PXDNL: variants seen among roughly 807,000 people sequenced by gnomAD.
The protein encoded by PXDNL is probable oxidoreductase PXDNL.
A neutral mutation model predicts 150.8 loss-of-function variants in PXDNL; 145 were observed. That is an observed-to-expected ratio of 0.96 (90% CI 0.84 to 1.10). The LOEUF (loss-of-function observed/expected upper bound fraction) is 1.10. PXDNL is among the 50% of genes least tolerant of loss of function. The pLI is 0.00. For missense variants in PXDNL, 2,087 were observed against 1,873.9 expected (o/e 1.11, Z -2.10); for synonymous variants, 757 against 725.7 (o/e 1.04, Z -0.69).
chr8:51,486,794 A>ATATTTTTTTTT (rs1810773699), intron 5 of PXDNL, among the ~76,000 whole-genome samples: 1 of 24,712 alleles, frequency 4.0e-5, no homozygotes, highest in African/African-American at 1.8e-4. Flanking sequence ...ATATATATAT[A>ATATTTTTTTTT]TTTTTTTTTT....
At chr8:51,422,620 G>A (rs573444419) in intron 14 of PXDNL, among the ~76,000 whole-genome samples, 18 of 152,246 alleles carry the variant, frequency 1.2e-4, no homozygotes, top group South Asian at 2.1e-4. Flanking sequence ...AAGAATCTGC[G>A]AAACCATATT....
intron 1 of PXDNL, among the ~76,000 whole-genome samples, chr8:51,747,990 C>T (rs540149278): frequency 6.6e-6 from 1 of 152,228 alleles, no homozygotes; most frequent in Non-Finnish European, 1.5e-5. Context: ...GTATACATAG[C>T]AGCAATAACA....
intron 2 of PXDNL, among the ~76,000 whole-genome samples, chr8:51,598,851 T>C (rs1183352247): frequency 3.9e-5 from 6 of 152,176 alleles, no homozygotes; most frequent in African/African-American, 1.4e-4. Flanking sequence ...CATTCGGCTG[T>C]GAATCCATTT....
chr8:51,657,733 G>A (rs1477673213), intron 1 of PXDNL, among the ~76,000 whole-genome samples: 4 of 152,142 alleles, frequency 2.6e-5, no homozygotes, highest in Non-Finnish European at 5.9e-5. Context: ...CAATATAATG[G>A]TAATTTAACT....
At chr8:51,599,719 T>A (rs956125471) in intron 2 of PXDNL, among the ~76,000 whole-genome samples, 12 of 146,568 alleles carry the variant, frequency 8.2e-5, no homozygotes, top group African/African-American at 2.5e-5. Flanking sequence ...ATGATGTCAT[T>A]TATATAATAA....
intron 2 of PXDNL, among the ~76,000 whole-genome samples, chr8:51,601,796 G>GTTT (rs1813727515): frequency 7.0e-6 from 1 of 143,546 alleles, no homozygotes; most frequent in Non-Finnish European, 1.5e-5. Flanking sequence ...TTCTATTGTG[G>GTTT]GTTTTTTTTT....
chr8:51,438,247 A>C (rs1029064923), intron 12 of PXDNL, among the ~76,000 whole-genome samples: 29 of 152,302 alleles, frequency 1.9e-4, no homozygotes, highest in African/African-American at 7.0e-4. Flanking sequence ...TGACAAAAGC[A>C]GTCTAAAAAT....
rs569183875 is a variant in PXDNL at position 51,391,322 on chromosome 8, C to A, written c.3558-16591G>T. Among the ~76,000 whole-genome samples, 594 of 152,256 alleles carry A rather than the reference C, an allele frequency of 3.9e-3. 7 individuals are homozygous for A. The highest frequency in any genetic ancestry group is 0.01 in the Middle Eastern group (3 of 294). On this transcript the variant is annotated intron_variant, in intron 17 of 22. Coordinates refer to ENST00000356297, the MANE Select transcript of PXDNL (RefSeq NM_144651.5). ...GATCCCTGAGGAATTGCCACACTGA[C>A]TTCCACAATGGTTGAACTAGTTTAC...
chr8:51,510,490 C>T (rs1811388982), intron 4 of PXDNL, among the ~76,000 whole-genome samples: 2 of 152,194 alleles, frequency 1.3e-5, no homozygotes, highest in African/African-American at 2.4e-5. Flanking sequence ...GAAATAGACA[C>T]TGAGGTTGGC....
rs936951821 is a variant in PXDNL, at chr8:51,654,738, T to C, written c.187A>G (p.Arg63Gly). 6.2e-7 allele frequency: 1 copy of C among 1,613,306 alleles called. No homozygotes were observed. The highest frequency in any genetic ancestry group is 8.5e-7 in the Non-Finnish European group (1 of 1,179,590). ...TVLDLRFNRI[R>G]EIPGSAFKKL... Reference sequence around the variant, plus strand: ...TTGAAGGCGCTCCCTGGAATTTCTCTTATTCTGTTAAACCTCAAGTCTCTG... The same window carrying C: ...TTGAAGGCGCTCCCTGGAATTTCTCCTATTCTGTTAAACCTCAAGTCTCTG... The change falls in exon 2 of 23, where the codon AGA (arginine) becomes GGA (glycine). Residue 63 changes from arginine (R) to glycine (G), a missense_variant. Transcript: ENST00000356297.
At chr8:51,732,779 A>G (rs904312939) in intron 1 of PXDNL, among the ~76,000 whole-genome samples, 2 of 151,528 alleles carry the variant, frequency 1.3e-5, no homozygotes, top group African/African-American at 4.9e-5. Context: ...ACTCCCCTTT[A>G]TAAAATCATC....
chr8:51,744,043 AAGGAAG>A (rs1205788830), intron 1 of PXDNL, among the ~76,000 whole-genome samples: 7 of 34,110 alleles, frequency 2.1e-4, no homozygotes, highest in African/African-American at 6.6e-4. Context: ...GGAAGGAAGG[AAGGAAG>A]GAAGGAAGGA....
At chr8:51,428,422 A>G (rs80350160) in intron 12 of PXDNL, among the ~76,000 whole-genome samples, 1,933 of 152,362 alleles carry the variant, frequency 0.013, 36 homozygotes, top group African/African-American at 0.044. Context: ...TTGACAAAAA[A>G]GAATAAAGTG....
Position 51,408,315 on chromosome 8 carries a change from C to A in PXDNL, c.3309G>T (p.Gly1103=), listed in dbSNP as rs773760051. The A allele has an allele frequency of 6.2e-7, 1 of 1,613,974 alleles. No homozygotes were observed. Among genetic ancestry groups the A allele is most frequent in the Non-Finnish European group, 8.5e-7 (1 of 1,179,878 alleles). ...GCCATTTAGCAGCCACGCCAAACAG[C>A]CCCCGGAGAACCGGGTCTATCCCAC... ...KEGGIDPVLR[G]LFGVAAKWRA... The change falls in exon 17 of 23, where the codon GGG becomes GGT. Residue 1103 remains glycine (G), a synonymous_variant. Transcript: ENST00000356297.
intron 1 of PXDNL, among the ~76,000 whole-genome samples, chr8:51,700,402 TAC>T (rs144729608): frequency 0.059 from 8,857 of 150,234 alleles, 370 homozygotes; most frequent in Non-Finnish European, 0.088. Context: ...GAGATATAAA[TAC>T]ACACACACAA....
chr8:51,531,908 C>T (rs1196675316), intron 4 of PXDNL, among the ~76,000 whole-genome samples: 1 of 152,218 alleles, frequency 6.6e-6, no homozygotes, highest in Non-Finnish European at 1.5e-5. Context: ...AGTGCTCCCC[C>T]CACCGTCATC....
At chr8:51,692,266 T>C (rs1354288533) in intron 1 of PXDNL, among the ~76,000 whole-genome samples, 2 of 152,220 alleles carry the variant, frequency 1.3e-5, no homozygotes, top group African/African-American at 4.8e-5. Context: ...TCATTGGTTC[T>C]CAAAAATCTC....
chr8:51,378,660 ACACT>A (rs561328155), intron 17 of PXDNL, among the ~76,000 whole-genome samples: 193 of 152,298 alleles, frequency 1.3e-3, no homozygotes, highest in Admixed American at 3.5e-3. Context: ...ATGAGCTGTA[ACACT>A]CACTGTGAAG....
At chr8:51,581,729 T>C (rs556525065) in intron 3 of PXDNL, among the ~76,000 whole-genome samples, 11 of 152,026 alleles carry the variant, frequency 7.2e-5, no homozygotes, top group Non-Finnish European at 1.0e-4. Context: ...AATTCTGGTC[T>C]CATAAAAGCA....
Sources: allele counts gnomAD v4.1 joint callset (sites outside exome capture counted in the v4.1 genomes callset), GRCh38; gene constraint gnomAD v4.1.1; transcripts MANE v1.5; gene names NCBI Gene and HGNC (gene_info 2026-07-23, HGNC 2026-07-21).